The following RTL6 variants were observed in gnomAD, a reference collection of about 807,000 sequenced individuals.
RTL6 encodes retrotransposon Gag-like protein 6.
A neutral mutation model predicts 12.4 loss-of-function variants in RTL6; 9 were observed. The ratio of observed to expected loss-of-function variants is 0.73; its 90% CI spans 0.44 to 1.27. The LOEUF (loss-of-function observed/expected upper bound fraction) is 1.27, where lower values mean the gene tolerates loss of function less well. Ranked by LOEUF, RTL6 falls within the 50% of genes most tolerant of loss-of-function variation. RTL6 has a pLI of 0.00. For missense variants in RTL6, 291 were observed against 330.7 expected (o/e 0.88, Z 0.93); for synonymous variants, 160 against 142.8 (o/e 1.12, Z -0.86).
In RTL6 at chr22:44,494,656, CAGGGAGTG is replaced by C. The variant is rs1924392470; in HGVS notation, c.*2173_*2180del. ...CAGAGGGCCCGGCTGCAGTTGTGGA[CAGGGAGTG>C]TGTGGACAGGGAGTGTGTGGACAGG... is the stretch of plus-strand genomic sequence containing the variant. On this transcript the variant is annotated 3_prime_UTR_variant, in exon 2 of 2. Transcript: ENST00000341255. The C allele has an allele frequency of 2.8e-5, 1 of 36,342 alleles. No homozygotes were observed. The highest frequency in any genetic ancestry group is 6.3e-5 in the Non-Finnish European group (1 of 15,916). 2.3% of individuals were successfully genotyped at this position (36,342 alleles called of 1,614,324 possible).
Position 44,497,812 on chromosome 22 carries a change from C to T in RTL6, c.-255-1G>A, listed in dbSNP as rs1374438971. On this transcript the variant is annotated splice_acceptor_variant, in intron 1 of 1. Coordinates refer to ENST00000341255, the MANE Select transcript of RTL6 (RefSeq NM_032287.3). LOFTEE classifies it low-confidence loss of function (5UTR_SPLICE). ...CGGGTGGCTGGACCTGCTCTGGGCC[C>T]TGGAGGATTAAGAAAAGATGTTTTC... is the stretch of plus-strand genomic sequence containing the variant. 7.7e-6 allele frequency: 4 copies of T among 516,428 alleles called. No homozygotes were observed. Among genetic ancestry groups the T allele is most frequent in the African/African-American group, 4.0e-5 (2 of 50,498 alleles). 32.0% of individuals were successfully genotyped at this position (516,428 alleles called of 1,614,324 possible).
At position 44,496,651 on chromosome 22, in the gene RTL6, A is replaced by G; in HGVS notation, c.*186T>C. The G allele has an allele frequency of 1.4e-6, 1 of 718,906 alleles. No individual in the cohort carries two copies. The highest frequency in any genetic ancestry group is 2.5e-5 in the East Asian group (1 of 39,688). The allele number at this position is 718,906 out of a possible 1,614,324, so 44.5% of individuals were successfully genotyped here. ...ACAAAGCTAGCACGTAAGAGGAAGC[A>G]CGGCAAGGTGGGCAACCAGGGCGCC... On this transcript the variant is annotated 3_prime_UTR_variant, in exon 2 of 2. Transcript: ENST00000341255.
At position 44,495,053 on chromosome 22, in the gene RTL6, A is replaced by G. The variant is rs1480137226; in HGVS notation, c.*1784T>C. The G allele has an allele frequency of 6.5e-6, 1 of 152,772 alleles. No individual in the cohort carries two copies. Among genetic ancestry groups the G allele is most frequent in the Non-Finnish European group, 1.5e-5 (1 of 68,092 alleles). The allele number at this position is 152,772 out of a possible 1,614,324, so 9.5% of individuals were successfully genotyped here. A position where few individuals can be genotyped will look rare whatever the true frequency, so the allele number is the denominator to read the frequency against. On this transcript the variant is annotated 3_prime_UTR_variant, in exon 2 of 2. Transcript: ENST00000341255. ...GTGTGTCTTCCCTCCGATCACGCTT[A>G]AAGAGCACCATGGTCCCACCTGAAC... is the stretch of plus-strand genomic sequence containing the variant.
rs920960107 is a variant in RTL6 at position 44,497,301 on chromosome 22, T to C, written c.256A>G (p.Ile86Val). The change falls in exon 2 of 2, where the codon ATT becomes GTT. Residue 86 changes from isoleucine (I) to valine (V), a missense_variant. Ile to Val is a conservative substitution (Grantham distance 29). This residue lies in a region of RTL6 where 155 missense variants were observed against 149.2 expected (regional missense o/e 1.04). Coordinates refer to ENST00000341255, the MANE Select transcript of RTL6 (RefSeq NM_032287.3). Reference protein sequence around the residue: ...ALQITPPISSITSNGTRPMTT... With the variant: ...ALQITPPISSVTSNGTRPMTT... ...ATGGGTCGAGTCCCGTTTGAAGTAA[T>C]TGAGGAGATGGGCGGGGTGATCTGC... The C allele has an allele frequency of 1.9e-6, 3 of 1,613,920 alleles. No homozygotes were observed. The highest frequency in any genetic ancestry group is 1.6e-4 in the Middle Eastern group (1 of 6,062).
rs1344091945 is a variant in RTL6, at chr22:44,496,706, G to A, written c.*131C>T. 3 of 1,154,022 alleles carry A rather than the reference G, an allele frequency of 2.6e-6. No individual in the cohort carries two copies. The highest frequency in any genetic ancestry group is 3.6e-6 in the Non-Finnish European group (3 of 821,932). 71.5% of individuals were successfully genotyped at this position (1,154,022 alleles called of 1,614,324 possible). On this transcript the variant is annotated 3_prime_UTR_variant, in exon 2 of 2. Coordinates refer to ENST00000341255, the MANE Select transcript of RTL6 (RefSeq NM_032287.3). ...AGGACGGAAGGAAGATCTCCTCGGG[G>A]AACACGTCTGGAGAGGCAAGAAGGG... is the stretch of plus-strand genomic sequence containing the variant.
Position 44,497,117 on chromosome 22 carries a change from T to G in RTL6, c.440A>C (p.Glu147Ala). Residue 147 changes from glutamate to alanine, a missense_variant, in exon 2 of 2, where the codon GAG becomes GCG. Glu to Ala is a moderately radical substitution (Grantham distance 107). This residue lies in a region of RTL6 where 132 missense variants were observed against 163.9 expected (regional missense o/e 0.81). Coordinates refer to ENST00000341255, the MANE Select transcript of RTL6 (RefSeq NM_032287.3). ...GTGGGGGATAGCCCACTTCTCCGCC[T>G]CCCCAGTCAGTCGAGACACAAGGAA... is the stretch of plus-strand genomic sequence containing the variant. ...VAFLVSRLTG[E>A]AEKWAIPHMQ... The G allele has an allele frequency of 6.2e-7, 1 of 1,614,086 alleles. No individual in the cohort carries two copies. Among genetic ancestry groups the G allele is most frequent in the Non-Finnish European group, 8.5e-7 (1 of 1,179,980 alleles).
Position 44,496,852 on chromosome 22 carries a change from T to A in RTL6, c.705A>T (p.Arg235=), listed in dbSNP as rs753450981. 7 of 1,559,310 alleles carry A rather than the reference T, an allele frequency of 4.5e-6. No individual in the cohort carries two copies. The African/African-American group carries it at 5.5e-5, about 12-fold the overall frequency. The change falls in exon 2 of 2, where the codon CGA becomes CGT. Residue 235 remains arginine, a synonymous_variant. Transcript: ENST00000341255. Reference sequence around the variant, plus strand: ...TGGCGGATTCTTAAAGATTCCGTGCTCGGGCAGGCAGGGCTGGCGCTGGAC... The same window carrying A: ...TGGCGGATTCTTAAAGATTCCGTGCACGGGCAGGCAGGGCTGGCGCTGGAC... ...GTSPAPALPA[R]ARNL
In RTL6 at chr22:44,497,452, G is replaced by T; in HGVS notation, c.105C>A (p.Thr35=). 6.2e-7 allele frequency: 1 copy of T among 1,614,208 alleles called. No individual in the cohort carries two copies. Among genetic ancestry groups the T allele is most frequent in the Non-Finnish European group, 8.5e-7 (1 of 1,180,036 alleles). ...VIDTLTSLRL[T]NSALRREAST... ...AAGCCTCCCGCCTCAGCGCCGAGTTGGTGAGGCGCAGGGAGGTCAGGGTGT... is the reference window on the plus strand; with the variant it reads ...AAGCCTCCCGCCTCAGCGCCGAGTTTGTGAGGCGCAGGGAGGTCAGGGTGT... The change falls in exon 2 of 2, where the codon ACC becomes ACA. Residue 35 remains threonine, a synonymous_variant. Coordinates refer to ENST00000341255, the MANE Select transcript of RTL6 (RefSeq NM_032287.3).
Position 44,496,743 on chromosome 22 carries a change from CAG to C in RTL6, c.*92_*93del, listed in dbSNP as rs1347699724. On this transcript the variant is annotated 3_prime_UTR_variant, in exon 2 of 2. Transcript: ENST00000341255. ...AGAGGCAAGAAGGGAGGTCTTCAAA[CAG>C]GGGCAAAGCTGTCGTATGGGCATTT... The C allele has an allele frequency of 1.3e-5, 19 of 1,445,808 alleles. No individual in the cohort carries two copies. Among genetic ancestry groups the C allele is most frequent in the Admixed American group, 9.2e-5 (4 of 43,566 alleles). The allele number at this position is 1,445,808 out of a possible 1,614,324, so 89.6% of individuals were successfully genotyped here.
chr22:44,495,018 T>C lies in RTL6; in HGVS notation c.*1819A>G, dbSNP rs1380898972. The C allele has an allele frequency of 6.5e-6, 1 of 152,774 alleles. No homozygotes were observed. Among genetic ancestry groups the C allele is most frequent in the Non-Finnish European group, 1.5e-5 (1 of 68,128 alleles). 9.5% of individuals were successfully genotyped at this position (152,774 alleles called of 1,614,324 possible). Reference sequence around the variant, plus strand: ...TGTACACCTCCCATTCATGGAATGGTGGCCCTGCTGTGTGTCTTCCCTCCG... The same window carrying C: ...TGTACACCTCCCATTCATGGAATGGCGGCCCTGCTGTGTGTCTTCCCTCCG... On this transcript the variant is annotated 3_prime_UTR_variant, in exon 2 of 2. Transcript: ENST00000341255.
Position 44,496,516 on chromosome 22 carries a change from T to C in RTL6, c.*321A>G. The C allele has an allele frequency of 3.1e-6, 1 of 319,536 alleles. No individual in the cohort carries two copies. The highest frequency in any genetic ancestry group is 5.8e-6 in the Non-Finnish European group (1 of 173,786). The allele number at this position is 319,536 out of a possible 1,614,324, so 19.8% of individuals were successfully genotyped here. A position where few individuals can be genotyped will look rare whatever the true frequency, so the allele number is the denominator to read the frequency against. On this transcript the variant is annotated 3_prime_UTR_variant, in exon 2 of 2. Coordinates refer to ENST00000341255, the MANE Select transcript of RTL6 (RefSeq NM_032287.3). Reference sequence around the variant, plus strand: ...TCAGGCTGGAAGGGGTCAGCCCTCGTGGTCCGTCAGCGTGCGGCGGAGTCC... The same window carrying C: ...TCAGGCTGGAAGGGGTCAGCCCTCGCGGTCCGTCAGCGTGCGGCGGAGTCC...
At position 44,496,522 on chromosome 22, in the gene RTL6, G is replaced by A. The variant is rs1440765284; in HGVS notation, c.*315C>T. ...TGGAAGGGGTCAGCCCTCGTGGTCC[G>A]TCAGCGTGCGGCGGAGTCCCTGTGC... On this transcript the variant is annotated 3_prime_UTR_variant, in exon 2 of 2. Transcript: ENST00000341255. 7 of 333,552 alleles carry A rather than the reference G, an allele frequency of 2.1e-5. No homozygotes were observed. Among genetic ancestry groups the A allele is most frequent in the Non-Finnish European group, 3.8e-5 (7 of 182,746 alleles). The allele number at this position is 333,552 out of a possible 1,614,324, so 20.7% of individuals were successfully genotyped here.
rs1417911949 is a variant in RTL6 at position 44,498,080 on chromosome 22, G to T, written c.-292C>A. ...CGGTTCCTCCGCGGCTCTGTCCGCCGCCGGCCGTGACCAAGATGGCCCGCG... is the reference window on the plus strand; with the variant it reads ...CGGTTCCTCCGCGGCTCTGTCCGCCTCCGGCCGTGACCAAGATGGCCCGCG... On this transcript the variant is annotated 5_prime_UTR_variant, in exon 1 of 2. Transcript: ENST00000341255. 2.6e-5 allele frequency: 4 copies of T among 151,478 alleles called. No individual in the cohort carries two copies. In the East Asian group the frequency reaches 7.8e-4, roughly 30 times the overall value. The allele number at this position is 151,478 out of a possible 1,614,324, so 9.4% of individuals were successfully genotyped here.
chr22:44,493,225 G>C lies in RTL6; in HGVS notation c.*3612C>G, dbSNP rs1269735674. 2 of 152,174 alleles carry C rather than the reference G, an allele frequency of 1.3e-5. No individual in the cohort carries two copies. Among genetic ancestry groups the C allele is most frequent in the Non-Finnish European group, 2.9e-5 (2 of 68,022 alleles). 9.4% of individuals were successfully genotyped at this position (152,174 alleles called of 1,614,324 possible). ...CAAAAAGCAAAGAAACCATAGTTGG[G>C]GGGGAAAGCCTGAGAGACACCAAAA... On this transcript the variant is annotated 3_prime_UTR_variant, in exon 2 of 2. Transcript: ENST00000341255.
chr22:44,497,283 G>C lies in RTL6; in HGVS notation c.274C>G (p.Arg92Gly). The change falls in exon 2 of 2, where the codon CGA becomes GGA. Residue 92 changes from arginine to glycine, a missense_variant. Physicochemically the swap from Arg to Gly is moderately radical, Grantham distance 125. Coordinates refer to ENST00000341255, the MANE Select transcript of RTL6 (RefSeq NM_032287.3). Reference protein sequence around the residue: ...PISSITSNGTRPMTTPPTSLP... With the variant: ...PISSITSNGTGPMTTPPTSLP... The stretch of plus-strand genomic sequence containing the variant: ...GAGGTTGGAGGTGTGGTCATGGGTC[G>C]AGTCCCGTTTGAAGTAATTGAGGAG... The C allele has an allele frequency of 6.2e-7, 1 of 1,614,206 alleles. No homozygotes were observed. The highest frequency in any genetic ancestry group is 1.1e-5 in the South Asian group (1 of 91,086).
At position 44,497,332 on chromosome 22, in the gene RTL6, C is replaced by A. The variant is rs1924482565; in HGVS notation, c.225G>T (p.Gly75=). 1.1e-5 allele frequency: 17 copies of A among 1,613,316 alleles called. No homozygotes were observed. In the East Asian group the frequency reaches 3.8e-4, roughly 36 times the overall value. The change falls in exon 2 of 2, where the codon GGG becomes GGT. Residue 75 remains glycine (G), a synonymous_variant. Transcript: ENST00000341255. The part of the protein sequence containing the change: ...TLLRTRARIP[G]ALQITPPISS... ...AGATGGGCGGGGTGATCTGCAGAGC[C>A]CCCGGGATCCGCGCCCTGGTGCGTA... is the stretch of plus-strand genomic sequence containing the variant.
Position 44,497,806 on chromosome 22 carries a change from T to C in RTL6, c.-250A>G. 1.8e-6 allele frequency: 1 copy of C among 556,472 alleles called. No homozygotes were observed. 34.5% of individuals were successfully genotyped at this position (556,472 alleles called of 1,614,324 possible). On this transcript the variant is annotated 5_prime_UTR_variant, in exon 2 of 2. Transcript: ENST00000341255. ...GCCAGACGGGTGGCTGGACCTGCTC[T>C]GGGCCCTGGAGGATTAAGAAAAGAT... is the stretch of plus-strand genomic sequence containing the variant.
rs1009299085 is a variant in RTL6, at chr22:44,494,993, T to G, written c.*1844A>C. On this transcript the variant is annotated 3_prime_UTR_variant, in exon 2 of 2. Transcript: ENST00000341255. Reference sequence around the variant, plus strand: ...AACTGAGCACAAAGAGAAAGTGATCTGTACACCTCCCATTCATGGAATGGT... The same window carrying G: ...AACTGAGCACAAAGAGAAAGTGATCGGTACACCTCCCATTCATGGAATGGT... 2.6e-5 allele frequency: 4 copies of G among 152,872 alleles called. No homozygotes were observed. The highest frequency in any genetic ancestry group is 1.3e-4 in the Admixed American group (2 of 15,306). The allele number at this position is 152,872 out of a possible 1,614,324, so 9.5% of individuals were successfully genotyped here.
rs1601868363 is a variant in RTL6 at position 44,492,590 on chromosome 22, C to T, written c.*4247G>A. 1 of 152,274 alleles carries T rather than the reference C, an allele frequency of 6.6e-6. No individual in the cohort carries two copies. The highest frequency in any genetic ancestry group is 1.9e-4 in the East Asian group (1 of 5,184). The allele number at this position is 152,274 out of a possible 1,614,324, so 9.4% of individuals were successfully genotyped here. A position where few individuals can be genotyped will look rare whatever the true frequency, so the allele number is the denominator to read the frequency against. ...AAACAGCTGTAGCAAATATGACACA[C>T]ACCAGGTTAATATCTTTAATATATA... On this transcript the variant is annotated 3_prime_UTR_variant, in exon 2 of 2. Transcript: ENST00000341255.
Sources: allele counts gnomAD v4.1 joint callset, GRCh38; gene constraint gnomAD v4.1.1; regional missense constraint gnomAD v4.1.1; transcripts MANE v1.5; gene names NCBI Gene and HGNC (gene_info 2026-07-23, HGNC 2026-07-21).